Variants in RABGAP1 observed in about 807,000 individuals in gnomAD.
The protein encoded by RABGAP1 is rab GTPase-activating protein 1.
In RABGAP1, 23 loss-of-function variants were observed where a neutral mutation model predicts 137.6. The ratio of observed to expected loss-of-function variants is 0.17; its 90% CI spans 0.12 to 0.24. The LOEUF (loss-of-function observed/expected upper bound fraction) is 0.24. RABGAP1 is among the 10% of genes least tolerant of loss of function. The probability of loss-of-function intolerance (pLI) is 1.00; values close to 1 mark genes in which losing one functional copy is unlikely to be tolerated. For synonymous variants in RABGAP1, 451 were observed against 450.7 expected, an observed-to-expected ratio of 1.00 and a Z score of -0.01; for missense variants, 906 against 1,275.8, an observed-to-expected ratio of 0.71 and a Z score of 4.42.
At chr9:123,015,490 C>A in intron 11 of RABGAP1, 53 bp from the exon 12 acceptor site, 1 of 1,153,324 alleles carries the variant, frequency 8.7e-7, no homozygotes, top group Non-Finnish European at 1.3e-6. Context: ...CAGTGTTCTT[C>A]TGGCTAGCAT....
intron 2 of RABGAP1, among the ~76,000 whole-genome samples, chr9:122,972,270 AAAT>A (rs1464156390): frequency 2.0e-5 from 3 of 152,170 alleles, no homozygotes; most frequent in Non-Finnish European, 2.9e-5. Flanking sequence ...TCTCTTTAAA[AAAT>A]AAAAATAAAA....
chr9:123,039,354 G>A (rs1417254824), intron 13 of RABGAP1, among the ~76,000 whole-genome samples: 1 of 152,126 alleles, frequency 6.6e-6, no homozygotes, highest in African/African-American at 2.4e-5. Flanking sequence ...TATCTGTCTG[G>A]TTAATATCTT....
intron 13 of RABGAP1, among the ~76,000 whole-genome samples, chr9:123,044,659 G>GTATGTA (rs2033125382): frequency 6.6e-6 from 1 of 151,940 alleles, no homozygotes; most frequent in Non-Finnish European, 1.5e-5. Context: ...GTGTGTATGT[G>GTATGTA]TATGTATATG....
chr9:122,989,829 T>C lies in RABGAP1; in HGVS notation c.766-227T>C, dbSNP rs193195610. 972 of 518,936 alleles carry C rather than the reference T, an allele frequency of 1.9e-3. 1 individual carries two copies. The highest frequency in any genetic ancestry group is 4.1e-3 in the Middle Eastern group (8 of 1,932). 32.1% of individuals were successfully genotyped at this position (518,936 alleles called of 1,614,324 possible). On this transcript the variant is annotated intron_variant, in intron 5 of 25. Coordinates refer to ENST00000373647, the MANE Select transcript of RABGAP1 (RefSeq NM_012197.4). Reference sequence around the variant, plus strand: ...AGTTTCTAACAATTTAGGAAGTGATTTTTAAATTGGATTTATAGTGCTTAC... The same window carrying C: ...AGTTTCTAACAATTTAGGAAGTGATCTTTAAATTGGATTTATAGTGCTTAC...
chr9:122,988,471 G>A (rs899181895), intron 4 of RABGAP1, among the ~76,000 whole-genome samples: 1 of 149,618 alleles, frequency 6.7e-6, no homozygotes, highest in African/African-American at 2.4e-5. Context: ...ATTTTTTACT[G>A]AATGGCATCC....
chr9:122,969,128 C>T (rs906154167), intron 2 of RABGAP1, among the ~76,000 whole-genome samples: 5 of 152,122 alleles, frequency 3.3e-5, no homozygotes, highest in African/African-American at 1.2e-4. Flanking sequence ...TTTTATTGTA[C>T]CTTTTCTGTG....
At chr9:123,028,750 G>T (rs775651042) in intron 13 of RABGAP1, among the ~76,000 whole-genome samples, 2 of 152,202 alleles carry the variant, frequency 1.3e-5, no homozygotes, top group Non-Finnish European at 2.9e-5. Flanking sequence ...AGTATGCAAA[G>T]TGGTTTCCAT....
At chr9:123,058,990 C>T (rs1041625778) in intron 13 of RABGAP1, among the ~76,000 whole-genome samples, 1 of 152,104 alleles carries the variant, frequency 6.6e-6, no homozygotes, top group Non-Finnish European at 1.5e-5. Flanking sequence ...CAGCAGTGAC[C>T]CTACTTACTA....
At chr9:123,093,890 T>TCAATTC (rs2035103599) in intron 21 of RABGAP1, among the ~76,000 whole-genome samples, 1 of 152,200 alleles carries the variant, frequency 6.6e-6, no homozygotes, top group Non-Finnish European at 1.5e-5. Context: ...TGAACAACAG[T>TCAATTC]TGAAGCATTC....
At chr9:122,991,572 T>G (rs1260673020) in intron 6 of RABGAP1, among the ~76,000 whole-genome samples, 1 of 152,010 alleles carries the variant, frequency 6.6e-6, no homozygotes, top group African/African-American at 2.4e-5. Flanking sequence ...GCTCTATGCT[T>G]TCTAATTAGA....
At chr9:123,075,600 T>C (rs2034485667) in intron 17 of RABGAP1, among the ~76,000 whole-genome samples, 1 of 152,224 alleles carries the variant, frequency 6.6e-6, no homozygotes, top group Non-Finnish European at 1.5e-5. Flanking sequence ...AACCTTTAAA[T>C]TGTTTCTAGC....
At chr9:122,991,335 G>C (rs146419998) in intron 6 of RABGAP1, among the ~76,000 whole-genome samples, 192 of 152,178 alleles carry the variant, frequency 1.3e-3, no homozygotes, top group African/African-American at 4.2e-3. Flanking sequence ...GTAGAAGTCT[G>C]TTTCCTCCAT....
intron 19 of RABGAP1, 119 bp downstream of exon 19, chr9:123,076,881 G>A (rs2034527105): frequency 1.7e-6 from 1 of 579,116 alleles, no homozygotes; most frequent in Non-Finnish European, 2.3e-6. Context: ...ATACATATTA[G>A]TGTTAACATT....
chr9:123,030,994 C>T (rs1036186120), intron 13 of RABGAP1, among the ~76,000 whole-genome samples: 6 of 151,554 alleles, frequency 4.0e-5, no homozygotes, highest in Admixed American at 2.0e-4. Context: ...GATTTTAGCT[C>T]CTAGAGTGGT....
intron 25 of RABGAP1, 39 bp from the exon 26 acceptor site, chr9:123,103,052 C>CCAAGCCCAGCATCCTCATGCA (rs765335807): frequency 6.2e-7 from 1 of 1,603,306 alleles, no homozygotes; most frequent in Non-Finnish European, 8.5e-7. Flanking sequence ...GTCATTGACA[C>CCAAGCCCAGCATCCTCATGCA]CAAGCCCAGC....
chr9:122,993,098 T>C (rs1187956728), intron 6 of RABGAP1, among the ~76,000 whole-genome samples: 1 of 152,076 alleles, frequency 6.6e-6, no homozygotes, highest in Non-Finnish European at 1.5e-5. Context: ...AAATTAAGTG[T>C]TGAATAGAGT....
At position 123,065,415 on chromosome 9, in the gene RABGAP1, A is replaced by G; in HGVS notation, c.1862A>G (p.Lys621Arg). 1.2e-6 allele frequency: 2 copies of G among 1,612,964 alleles called. No homozygotes were observed. The highest frequency in any genetic ancestry group is 8.5e-7 in the Non-Finnish European group (1 of 1,178,988). ...NRTFPAHDYF[K>R]DTGGDGQDSL... is the part of the protein sequence containing the mutation. ...ACATTCCCAGCCCATGACTACTTTAAGGACACAGGAGGAGATGGACAAGAT... is the reference window on the plus strand; with the variant it reads ...ACATTCCCAGCCCATGACTACTTTAGGGACACAGGAGGAGATGGACAAGAT... Residue 621 changes from lysine (K) to arginine (R), a missense_variant, in exon 14 of 26, where the codon AAG (lysine) becomes AGG (arginine). Physicochemically the swap from Lys to Arg is conservative, Grantham distance 26. Around this residue, in one of 9 missense-constraint regions of RABGAP1, gnomAD observed 30 missense variants for 105.8 expected, o/e 0.28. Coordinates refer to ENST00000373647, the MANE Select transcript of RABGAP1 (RefSeq NM_012197.4).
intron 13 of RABGAP1, among the ~76,000 whole-genome samples, chr9:123,046,616 C>A (rs2033219318): frequency 6.6e-6 from 1 of 152,200 alleles, no homozygotes; most frequent in Non-Finnish European, 1.5e-5. Context: ...TGAGCTAATG[C>A]ATGTAAAGCT....
chr9:123,007,096 A>AT (rs763188122), intron 10 of RABGAP1, among the ~76,000 whole-genome samples: 200 of 122,476 alleles, frequency 1.6e-3, no homozygotes, highest in Admixed American at 4.8e-3. Context: ...TTTATTTTTT[A>AT]TTTTTTTTAG....
Sources: gnomAD v4.1 joint callset for allele counts (sites outside exome capture counted in the v4.1 genomes callset) on GRCh38, gnomAD v4.1.1 for gene constraint, gnomAD v4.1.1 regional missense constraint, MANE v1.5 for transcripts, NCBI Gene and HGNC (gene_info 2026-07-23, HGNC 2026-07-21) for gene names.